The following BCL11B variants were observed in gnomAD, a reference collection of about 807,000 sequenced individuals.
The protein encoded by BCL11B is BCL11 transcription factor B.
In BCL11B, 8 loss-of-function variants were observed where a neutral mutation model predicts 49.9. The ratio of observed to expected loss-of-function variants is 0.16; its 90% CI spans 0.09 to 0.29. The LOEUF is 0.29. BCL11B is among the 10% of genes least tolerant of loss of function. The pLI is 1.00. For synonymous variants in BCL11B, 739 were observed against 637.4 expected, an observed-to-expected ratio of 1.16 and a Z score of -2.40; for missense variants, 1,006 against 1,351.0, an observed-to-expected ratio of 0.74 and a Z score of 4.00.
intron 3 of BCL11B, among the ~76,000 whole-genome samples, chr14:99,199,683 T>TGCGCGCGCGCGCGCGC (rs1555378683): frequency 1.4e-5 from 1 of 73,642 alleles, no homozygotes; most frequent in Admixed American, 1.4e-4. Context: ...TGTGTGTGTG[T>TGCGCGCGCGCGCGCGC]GCGCGCGCGC....
intron 2 of BCL11B, among the ~76,000 whole-genome samples, chr14:99,243,918 TA>T (rs200999902): frequency 7.8e-6 from 1 of 128,172 alleles, no homozygotes; most frequent in African/African-American, 2.7e-5. Flanking sequence ...ACATTGCTCC[TA>T]AAAAAAAAAA....
At chr14:99,197,738 G>A (rs759801123) in intron 3 of BCL11B, among the ~76,000 whole-genome samples, 26 of 152,202 alleles carry the variant, frequency 1.7e-4, no homozygotes, top group Non-Finnish European at 1.9e-4. Flanking sequence ...CAGAAACGAA[G>A]CAGACAGACG....
At chr14:99,259,441 C>T (rs183018197) in intron 1 of BCL11B, among the ~76,000 whole-genome samples, 4 of 152,288 alleles carry the variant, frequency 2.6e-5, no homozygotes, top group East Asian at 3.9e-4. Context: ...ACAGAATATA[C>T]GACGATGTAA....
intron 3 of BCL11B, among the ~76,000 whole-genome samples, chr14:99,177,774 T>C (rs979363113): frequency 6.6e-6 from 1 of 151,900 alleles, no homozygotes; most frequent in Admixed American, 6.6e-5. Flanking sequence ...AACAGTCCCC[T>C]GTCTCACTCT....
At chr14:99,222,874 C>A (rs1223661167) in intron 3 of BCL11B, among the ~76,000 whole-genome samples, 1 of 150,664 alleles carries the variant, frequency 6.6e-6, no homozygotes, top group South Asian at 2.1e-4. Flanking sequence ...TCTTTCCTTC[C>A]TTTCTTTCCT....
At position 99,228,430 on chromosome 14, in the gene BCL11B, C is replaced by A. The variant is rs1005739372; in HGVS notation, c.640+2915G>T. ...CTGGTGAGGGCCAATGAACTGGGACCGAATGAAAAAAGAGAACTGTACCAG... is the reference window on the plus strand; with the variant it reads ...CTGGTGAGGGCCAATGAACTGGGACAGAATGAAAAAAGAGAACTGTACCAG... On this transcript the variant is annotated intron_variant, in intron 3 of 3. Transcript: ENST00000357195. This position sits in a 1 kb window ranked among gnomAD's most constrained non-coding sequence, Gnocchi z 4.8. Among the ~76,000 whole-genome samples, 1 of 151,992 alleles carries A rather than the reference C, an allele frequency of 6.6e-6. No homozygotes were observed. The highest frequency in any genetic ancestry group is 2.4e-5 in the African/African-American group (1 of 41,374).
chr14:99,206,204 G>C (rs1887528864), intron 3 of BCL11B, among the ~76,000 whole-genome samples: 1 of 152,164 alleles, frequency 6.6e-6, no homozygotes, highest in African/African-American at 2.4e-5. Context: ...TCTTATCCCT[G>C]GGGGCCACAA....
At chr14:99,239,461 G>GC (rs1888600369) in intron 2 of BCL11B, among the ~76,000 whole-genome samples, 1 of 152,178 alleles carries the variant, frequency 6.6e-6, no homozygotes, top group East Asian at 1.9e-4. Context: ...GAACTTAGGG[G>GC]CCAGACTCCA....
intron 3 of BCL11B, among the ~76,000 whole-genome samples, chr14:99,183,845 G>A (rs763332558): frequency 4.6e-5 from 7 of 151,602 alleles, no homozygotes; most frequent in Non-Finnish European, 8.8e-5. Context: ...GCCCCCTCCA[G>A]AGAGCAGGGC....
chr14:99,185,448 A>G (rs1886824975), intron 3 of BCL11B, among the ~76,000 whole-genome samples: 2 of 16,570 alleles, frequency 1.2e-4, no homozygotes, highest in African/African-American at 2.8e-3. Context: ...AAAAAAAAGA[A>G]AAAAAAAAAA....
At chr14:99,234,114 C>T (rs1384442245) in intron 2 of BCL11B, among the ~76,000 whole-genome samples, 1 of 152,082 alleles carries the variant, frequency 6.6e-6, no homozygotes. Flanking sequence ...AGAGGCAAAT[C>T]CACGGACACA....
At position 99,257,237 on chromosome 14, in the gene BCL11B, C is replaced by T. The variant is rs1363130538; in HGVS notation, c.427+234G>A. ...TCTGGATTAGCCCCCGAGACAGAGTCCCCTCACCAAAAGCAAGCAGCCATC... is the reference window on the plus strand; with the variant it reads ...TCTGGATTAGCCCCCGAGACAGAGTTCCCTCACCAAAAGCAAGCAGCCATC... On this transcript the variant is annotated intron_variant, in intron 2 of 3. Coordinates refer to ENST00000357195, the MANE Select transcript of BCL11B (RefSeq NM_138576.4). The surrounding 1 kb of genome is among the most constrained non-coding windows in gnomAD (Gnocchi z 6.2). Among the ~76,000 whole-genome samples the T allele has an allele frequency of 6.6e-6, 1 of 152,126 alleles. No homozygotes were observed. The highest frequency in any genetic ancestry group is 1.5e-5 in the Non-Finnish European group (1 of 68,030).
Position 99,232,148 on chromosome 14 carries a change from G to A in BCL11B, c.428-591C>T, listed in dbSNP as rs1453103819. ...TCCAGCCCCAAGCACTGAGCGTGCT[G>A]CACCCAAAACGCAATGCCCTTCAGA... is the stretch of plus-strand genomic sequence containing the variant. On this transcript the variant is annotated intron_variant, in intron 2 of 3. Transcript: ENST00000357195. The surrounding 1 kb of genome is among the most constrained non-coding windows in gnomAD (Gnocchi z 5.1). Among the ~76,000 whole-genome samples the A allele has an allele frequency of 6.6e-6, 1 of 152,110 alleles. No individual in the cohort carries two copies. Among genetic ancestry groups the A allele is most frequent in the African/African-American group, 2.4e-5 (1 of 41,434 alleles).
At chr14:99,259,589 G>A (rs550556722) in intron 1 of BCL11B, among the ~76,000 whole-genome samples, 7 of 152,312 alleles carry the variant, frequency 4.6e-5, no homozygotes, top group African/African-American at 1.7e-4. Context: ...AATGCAGAAT[G>A]CATCAGAAAT....
At chr14:99,211,610 T>G (rs1408782304) in intron 3 of BCL11B, among the ~76,000 whole-genome samples, 1 of 152,180 alleles carries the variant, frequency 6.6e-6, no homozygotes, top group African/African-American at 2.4e-5. Context: ...AATGCACTCA[T>G]GCACAAACAC....
intron 2 of BCL11B, among the ~76,000 whole-genome samples, chr14:99,252,063 C>T (rs1365459054): frequency 6.6e-6 from 1 of 152,180 alleles, no homozygotes; most frequent in Non-Finnish European, 1.5e-5. Flanking sequence ...TAGCGCCCCT[C>T]TTCCCCACCA....
At chr14:99,218,996 G>A (rs570107482) in intron 3 of BCL11B, among the ~76,000 whole-genome samples, 5 of 152,236 alleles carry the variant, frequency 3.3e-5, no homozygotes, top group African/African-American at 7.2e-5. Flanking sequence ...TGGACCTGTG[G>A]CCTCCCAAAC....
rs1363305357 is a variant in BCL11B at position 99,228,979 on chromosome 14, G to GCTAC, written c.640+2365_640+2366insGTAG. ...GGATGGATGCATGGATGGATGCATGGATGGATGGATGGCTACATGGATGAA... is the reference window on the plus strand; with the variant it reads ...GGATGGATGCATGGATGGATGCATGGCTACATGGATGGATGGCTACATGGATGAA... On this transcript the variant is annotated intron_variant, in intron 3 of 3. Coordinates refer to ENST00000357195, the MANE Select transcript of BCL11B (RefSeq NM_138576.4). The surrounding 1 kb of genome is among the most constrained non-coding windows in gnomAD (Gnocchi z 4.8). Among the ~76,000 whole-genome samples the GCTAC allele has an allele frequency of 1.3e-5, 2 of 151,738 alleles. No individual in the cohort carries two copies. The highest frequency in any genetic ancestry group is 2.4e-5 in the African/African-American group (1 of 41,296).
In BCL11B at chr14:99,248,370, C is replaced by G. The variant is rs975489676; in HGVS notation, c.427+9101G>C. 2.0e-5 allele frequency among the ~76,000 whole-genome samples: 3 copies of G among 152,208 alleles called. No individual in the cohort carries two copies. The highest frequency in any genetic ancestry group is 2.9e-5 in the Non-Finnish European group (2 of 68,040). The stretch of plus-strand genomic sequence containing the variant: ...TCGAGGCTTGCAAGTCCTGATCACA[C>G]CCTCCCCTGAGGAGGCTCCCACTCC... On this transcript the variant is annotated intron_variant, in intron 2 of 3. Coordinates refer to ENST00000357195, the MANE Select transcript of BCL11B (RefSeq NM_138576.4). This position sits in a 1 kb window ranked among gnomAD's most constrained non-coding sequence, Gnocchi z 4.7.
Sources: gnomAD v4.1 joint callset for allele counts (sites outside exome capture counted in the v4.1 genomes callset) on GRCh38, gnomAD v4.1.1 for gene constraint, Gnocchi (gnomAD v3.1) non-coding constraint, MANE v1.5 for transcripts, NCBI Gene and HGNC (gene_info 2026-07-23, HGNC 2026-07-21) for gene names.